The following RAPGEF5 variants were observed in gnomAD, a reference collection of about 807,000 sequenced individuals.
The protein encoded by RAPGEF5 is Rap guanine nucleotide exchange factor 5.
A neutral mutation model predicts 125.2 loss-of-function variants in RAPGEF5; 65 were observed. The ratio of observed to expected loss-of-function variants is 0.52; its 90% CI spans 0.43 to 0.64. RAPGEF5 has a LOEUF of 0.64. RAPGEF5 is among the 30% of genes least tolerant of loss of function. The pLI is 0.00. For synonymous variants in RAPGEF5, 391 were observed against 385.9 expected (o/e 1.01, Z -0.16); for missense variants, 958 against 1,048.1 (o/e 0.91, Z 1.19).
At chr7:22,167,472 T>C (rs942384972) in intron 11 of RAPGEF5, among the ~76,000 whole-genome samples, 1 of 152,202 alleles carries the variant, frequency 6.6e-6, no homozygotes, top group African/African-American at 2.4e-5. Flanking sequence ...GCATAAATAA[T>C]GTGCTTTAAA....
intron 9 of RAPGEF5, among the ~76,000 whole-genome samples, chr7:22,212,268 C>A (rs183932571): frequency 6.6e-6 from 1 of 152,148 alleles, no homozygotes; most frequent in Non-Finnish European, 1.5e-5. Context: ...CCACCACACC[C>A]GGCCTCACAT....
chr7:22,238,979 C>CA lies in RAPGEF5; in HGVS notation c.797-8061dup, dbSNP rs113370393. On this transcript the variant is annotated intron_variant, in intron 7 of 25. Coordinates refer to ENST00000665637, the MANE Select transcript of RAPGEF5 (RefSeq NM_012294.5). Reference sequence around the variant, plus strand: ...GAACAGAAATGAGGCTGAAAACAAACAAAAAAAAGCAGGAGCTTTATTTCA... The same window carrying CA: ...GAACAGAAATGAGGCTGAAAACAAACAAAAAAAAAGCAGGAGCTTTATTTCA... Among the ~76,000 whole-genome samples the CA allele has an allele frequency of 5.0e-3, 757 of 151,602 alleles. 10 individuals carry two copies. The highest frequency in any genetic ancestry group is 0.027 in the South Asian group (129 of 4,798).
chr7:22,135,747 A>T (rs1783060171), intron 23 of RAPGEF5, among the ~76,000 whole-genome samples: 1 of 152,204 alleles, frequency 6.6e-6, no homozygotes, highest in South Asian at 2.1e-4. Flanking sequence ...GCTCAAAGAA[A>T]GTAATACAGG....
chr7:22,281,973 A>T (rs1782682404), intron 6 of RAPGEF5, among the ~76,000 whole-genome samples: 1 of 152,238 alleles, frequency 6.6e-6, no homozygotes, highest in African/African-American at 2.4e-5. Context: ...CTTCTGCTGA[A>T]CAGAAATGAT....
intron 13 of RAPGEF5, among the ~76,000 whole-genome samples, chr7:22,161,537 AACACACACACACACACAC>A (rs369030719): frequency 0.016 from 2,126 of 136,118 alleles, 56 homozygotes; most frequent in African/African-American, 0.055. Context: ...ACCCTGTCTC[AACACACACACACACACAC>A]ACACACACAC....
chr7:22,351,675 T>C (rs1350076947), intron 1 of RAPGEF5, among the ~76,000 whole-genome samples: 1 of 152,230 alleles, frequency 6.6e-6, no homozygotes, highest in Non-Finnish European at 1.5e-5. Context: ...TTAAGTGCTA[T>C]GATGTTAGCC....
At chr7:22,267,240 T>C (rs1027923783) in intron 6 of RAPGEF5, among the ~76,000 whole-genome samples, 1 of 152,182 alleles carries the variant, frequency 6.6e-6, no homozygotes, top group Non-Finnish European at 1.5e-5. Flanking sequence ...AGTTACACAG[T>C]TGCCAGAATG....
chr7:22,129,460 C>T (rs1859804), intron 24 of RAPGEF5, among the ~76,000 whole-genome samples: 103,029 of 151,966 alleles, frequency 0.68, 36,870 homozygotes, highest in Non-Finnish European at 0.79. Context: ...GGCCAGGAAG[C>T]GAAGTAAATA....
chr7:22,154,418 G>A, intron 17 of RAPGEF5, 37 bp downstream of exon 17: 6 of 1,607,594 alleles, frequency 3.7e-6, no homozygotes, highest in Non-Finnish European at 4.2e-6. Context: ...AAGGAGATCA[G>A]TGAAAGATTA....
chr7:22,268,527 T>C (rs539301159), intron 6 of RAPGEF5, among the ~76,000 whole-genome samples: 47 of 152,334 alleles, frequency 3.1e-4, no homozygotes, highest in African/African-American at 1.1e-3. Context: ...ACCAGTTCTT[T>C]TTAGGATTTT....
chr7:22,222,670 G>T (rs1368339416), intron 8 of RAPGEF5, among the ~76,000 whole-genome samples: 1 of 152,168 alleles, frequency 6.6e-6, no homozygotes, highest in Non-Finnish European at 1.5e-5. Context: ...AAGGAGTTTG[G>T]ATTCTTTTTC....
chr7:22,299,846 C>G (rs1783155603), intron 5 of RAPGEF5, among the ~76,000 whole-genome samples: 1 of 151,694 alleles, frequency 6.6e-6, no homozygotes, highest in South Asian at 2.1e-4. Flanking sequence ...AACATAAAAC[C>G]TCTAATTATT....
chr7:22,185,160 A>T (rs1262330494), intron 11 of RAPGEF5, among the ~76,000 whole-genome samples: 1 of 152,208 alleles, frequency 6.6e-6, no homozygotes, highest in Non-Finnish European at 1.5e-5. Context: ...AATCTTCGGG[A>T]TACAACTCGG....
chr7:22,185,205 G>T (rs1039918847), intron 11 of RAPGEF5, among the ~76,000 whole-genome samples: 2 of 152,174 alleles, frequency 1.3e-5, no homozygotes, highest in African/African-American at 4.8e-5. Flanking sequence ...TTCAAATGGT[G>T]GCTCAATCAC....
intron 1 of RAPGEF5, among the ~76,000 whole-genome samples, chr7:22,343,472 T>C (rs1784166273): frequency 6.6e-6 from 1 of 152,240 alleles, no homozygotes; most frequent in South Asian, 2.1e-4. Flanking sequence ...ATATATTTCA[T>C]TTATTAAGAC....
chr7:22,232,920 C>A (rs1786095147), intron 7 of RAPGEF5, among the ~76,000 whole-genome samples: 1 of 152,170 alleles, frequency 6.6e-6, no homozygotes, highest in Admixed American at 6.5e-5. Context: ...ACTAGGATAA[C>A]TCTGACCAGC....
chr7:22,138,792 A>G (rs1005913587), intron 21 of RAPGEF5, among the ~76,000 whole-genome samples: 1 of 152,244 alleles, frequency 6.6e-6, no homozygotes, highest in Non-Finnish European at 1.5e-5. Flanking sequence ...GTTGAATCTA[A>G]TTGAGTTATT....
At chr7:22,307,230 A>T (rs1435797483) in intron 5 of RAPGEF5, among the ~76,000 whole-genome samples, 3 of 152,090 alleles carry the variant, frequency 2.0e-5, no homozygotes, top group Non-Finnish European at 2.9e-5. Context: ...GATTTCTTTC[A>T]TCAGTGTTTA....
intron 9 of RAPGEF5, among the ~76,000 whole-genome samples, chr7:22,203,150 G>A (rs773116577): frequency 2.0e-4 from 30 of 152,124 alleles, no homozygotes; most frequent in Non-Finnish European, 3.7e-4. Context: ...GAGGCAGAGG[G>A]CATCACAGGA....
Sources: allele counts gnomAD v4.1 joint callset (sites outside exome capture counted in the v4.1 genomes callset), GRCh38; gene constraint gnomAD v4.1.1; transcripts MANE v1.5; gene names NCBI Gene and HGNC (gene_info 2026-07-23, HGNC 2026-07-21).